SUSD6: variants seen among roughly 807,000 people sequenced by gnomAD.
SUSD6 encodes the protein sushi domain containing 6.
A neutral mutation model predicts 28.4 loss-of-function variants in SUSD6; 16 were observed. That is an observed-to-expected ratio of 0.56 (90% confidence interval 0.38 to 0.86). SUSD6 has a LOEUF of 0.86. Ranked by LOEUF, SUSD6 falls within the 40% of genes least tolerant of loss-of-function variation. The probability of loss-of-function intolerance (pLI) is 0.00; values close to 1 mark genes in which losing one functional copy is unlikely to be tolerated. For synonymous variants in SUSD6, 147 were observed against 159.6 expected, an observed-to-expected ratio of 0.92 and a Z score of 0.59; for missense variants, 341 against 384.2, an observed-to-expected ratio of 0.89 and a Z score of 0.94.
chr14:69,625,879 C>T (rs148772292), intron 1 of SUSD6, among the ~76,000 whole-genome samples: 4 of 152,318 alleles, frequency 2.6e-5, no homozygotes, highest in East Asian at 1.9e-4. Context: ...ACACCACCCG[C>T]GTCTGCTCAT....
At chr14:69,696,850 T>C (rs577203500) in intron 2 of SUSD6, among the ~76,000 whole-genome samples, 1 of 152,320 alleles carries the variant, frequency 6.6e-6, no homozygotes, top group South Asian at 2.1e-4. Context: ...TCCTTGGATC[T>C]TCCACAAGAA....
rs182106035 is a variant in SUSD6 at position 69,630,828 on chromosome 14, C to T, written c.-81+19000C>T. On this transcript the variant is annotated intron_variant, in intron 1 of 5. Transcript: ENST00000342745. The stretch of plus-strand genomic sequence containing the variant: ...GCTCATTTTTTGAGGCAACTTCTAG[C>T]CAAGTTGTTTCAGTTGTGGAGAATT... Among the ~76,000 whole-genome samples, 356 of 152,268 alleles carry T rather than the reference C, an allele frequency of 2.3e-3. 3 individuals carry two copies. Among genetic ancestry groups the T allele is most frequent in the African/African-American group, 8.2e-3 (340 of 41,548 alleles).
At chr14:69,684,025 G>A (rs973771532) in intron 2 of SUSD6, among the ~76,000 whole-genome samples, 6 of 152,332 alleles carry the variant, frequency 3.9e-5, no homozygotes, top group African/African-American at 1.4e-4. Flanking sequence ...GTTGTTGCTG[G>A]CTGAGTAGGA....
Position 69,711,151 on chromosome 14 carries a change from G to A in SUSD6, c.*172G>A. ...AGGCCCACCTTGCTGGAAACTCAAG[G>A]AAGATTCTCGCCATCTGCCTGTTGG... On this transcript the variant is annotated 3_prime_UTR_variant, in exon 6 of 6. Coordinates refer to ENST00000342745, the MANE Select transcript of SUSD6 (RefSeq NM_014734.4). 2 of 628,690 alleles carry A rather than the reference G, an allele frequency of 3.2e-6. No individual in the cohort carries two copies. The highest frequency in any genetic ancestry group is 2.8e-5 in the East Asian group (1 of 35,926). 38.9% of individuals were successfully genotyped at this position (628,690 alleles called of 1,614,324 possible). A position where few individuals can be genotyped will look rare whatever the true frequency, so the allele number is the denominator to read the frequency against.
chr14:69,612,078 G>A (rs1022427030), intron 1 of SUSD6, among the ~76,000 whole-genome samples: 2 of 150,984 alleles, frequency 1.3e-5, no homozygotes, highest in Non-Finnish European at 3.0e-5. Context: ...TGCGCGGCCG[G>A]GGGGACCGGC....
At chr14:69,687,381 GATT>G (rs568921248) in intron 2 of SUSD6, among the ~76,000 whole-genome samples, 438 of 152,342 alleles carry the variant, frequency 2.9e-3, no homozygotes, top group Non-Finnish European at 4.8e-3. Flanking sequence ...AAAGTGCTGG[GATT>G]ACAGGCGTGA....
intron 2 of SUSD6, among the ~76,000 whole-genome samples, chr14:69,693,586 A>G (rs965953490): frequency 6.6e-6 from 1 of 152,222 alleles, no homozygotes; most frequent in Non-Finnish European, 1.5e-5. Context: ...GCCTTTGCCC[A>G]TTCCAAAAAT....
chr14:69,681,868 T>C (rs1886001826), intron 2 of SUSD6, among the ~76,000 whole-genome samples: 1 of 152,214 alleles, frequency 6.6e-6, no homozygotes, highest in Non-Finnish European at 1.5e-5. Flanking sequence ...AAGTGGGGTC[T>C]GAGCACTCAC....
rs561808969 is a variant in SUSD6, at chr14:69,612,533, G to GT, written c.-81+705_-81+706insT. Among the ~76,000 whole-genome samples, 262 of 152,286 alleles carry GT rather than the reference G, an allele frequency of 1.7e-3. 1 individual carries two copies. Among genetic ancestry groups the GT allele is most frequent in the African/African-American group, 5.9e-3 (245 of 41,568 alleles). On this transcript the variant is annotated intron_variant, in intron 1 of 5. Transcript: ENST00000342745. Reference sequence around the variant, plus strand: ...CTCCCTCATGGGAGTCGTGGCTGGGGAGCTGCTGAAGTGGAGAAAAGTTAC... The same window carrying GT: ...CTCCCTCATGGGAGTCGTGGCTGGGGTAGCTGCTGAAGTGGAGAAAAGTTAC...
intron 2 of SUSD6, among the ~76,000 whole-genome samples, chr14:69,676,740 A>G (rs1885916150): frequency 6.6e-6 from 1 of 152,196 alleles, no homozygotes; most frequent in South Asian, 2.1e-4. Context: ...TTTGCCCACA[A>G]AGAACCATTT....
chr14:69,625,399 G>C (rs1372581128), intron 1 of SUSD6, among the ~76,000 whole-genome samples: 1 of 152,222 alleles, frequency 6.6e-6, no homozygotes, highest in Non-Finnish European at 1.5e-5. Context: ...ACAGGGTAGT[G>C]GGTGACTTGT....
chr14:69,639,961 T>G lies in SUSD6; in HGVS notation c.-80-18552T>G, dbSNP rs1021652897. 5.5e-3 allele frequency among the ~76,000 whole-genome samples: 788 copies of G among 143,752 alleles called. 7 individuals are homozygous for G. Among genetic ancestry groups the G allele is most frequent in the African/African-American group, 0.02 (741 of 36,734 alleles). 94.3% of individuals were successfully genotyped at this position (143,752 alleles called of 152,430 possible). ...CCCTCTGGGGCACCTACACTGTTTT[T>G]TTTTTTTTTTTTTTTTTTGCGGGGG... is the stretch of plus-strand genomic sequence containing the variant. On this transcript the variant is annotated intron_variant, in intron 1 of 5. Transcript: ENST00000342745.
At chr14:69,703,370 C>T (rs1886339131) in intron 2 of SUSD6, 25 bp from the exon 3 acceptor site, 1 of 1,596,792 alleles carries the variant, frequency 6.3e-7, no homozygotes. Flanking sequence ...ACCACTGTAC[C>T]CCTGCTCTCT....
intron 1 of SUSD6, among the ~76,000 whole-genome samples, chr14:69,646,482 T>C (rs1316115298): frequency 6.6e-6 from 1 of 152,130 alleles, no homozygotes; most frequent in Non-Finnish European, 1.5e-5. Flanking sequence ...CTCAGAGTGC[T>C]CTATAGGGTT....
intron 2 of SUSD6, among the ~76,000 whole-genome samples, chr14:69,682,914 C>G (rs1468730655): frequency 6.6e-6 from 1 of 150,698 alleles, no homozygotes; most frequent in Non-Finnish European, 1.5e-5. Context: ...TCTGTCTGCC[C>G]TGGCAGGGAA....
At chr14:69,676,407 T>G (rs945312) in intron 2 of SUSD6, among the ~76,000 whole-genome samples, 138,143 of 151,194 alleles carry the variant, frequency 0.91, 63,315 homozygotes, top group African/African-American at 0.98. Flanking sequence ...TTGAGACAGG[T>G]TCTTGCTCTG....
chr14:69,648,588 G>A (rs1207551933), intron 1 of SUSD6, among the ~76,000 whole-genome samples: 1 of 152,170 alleles, frequency 6.6e-6, no homozygotes, highest in Admixed American at 6.5e-5. Context: ...GACTGGGAAT[G>A]TAGCAGAAGG....
At position 69,697,760 on chromosome 14, in the gene SUSD6, T is replaced by G. The variant is rs1020889619; in HGVS notation, c.122-5635T>G. Among the ~76,000 whole-genome samples the G allele has an allele frequency of 2.6e-5, 4 of 152,202 alleles. No homozygotes were observed. In the South Asian group the frequency reaches 8.3e-4, roughly 32 times the overall value. On this transcript the variant is annotated intron_variant, in intron 2 of 5. Coordinates refer to ENST00000342745, the MANE Select transcript of SUSD6 (RefSeq NM_014734.4). ...GCCTCAGGCTCTTACCCTCCCTGGG[T>G]GCCGATGAATGATCACCTAGCCAGA...
At chr14:69,622,549 C>A (rs543635969) in intron 1 of SUSD6, among the ~76,000 whole-genome samples, 3 of 152,206 alleles carry the variant, frequency 2.0e-5, no homozygotes, top group Non-Finnish European at 4.4e-5. Flanking sequence ...ACTGTGCAGA[C>A]TGGACATCCA....
Sources: gnomAD v4.1 joint callset for allele counts (sites outside exome capture counted in the v4.1 genomes callset) on GRCh38, gnomAD v4.1.1 for gene constraint, MANE v1.5 for transcripts, NCBI Gene and HGNC (gene_info 2026-07-23, HGNC 2026-07-21) for gene names.